HCRTR1: variants seen among roughly 807,000 people sequenced by gnomAD.
The protein encoded by HCRTR1 is orexin/Hypocretin receptor type 1.
A neutral mutation model predicts 40.6 loss-of-function variants in HCRTR1; 28 were observed. The observed-to-expected ratio is 0.69, with a 90% confidence interval of 0.51 to 0.95. The LOEUF is 0.95. HCRTR1 is among the 40% of genes least tolerant of loss of function. The pLI is 0.00. For synonymous variants in HCRTR1, 209 were observed against 230.0 expected, an observed-to-expected ratio of 0.91 and a Z score of 0.83; for missense variants, 482 against 564.7, an observed-to-expected ratio of 0.85 and a Z score of 1.48.
intron 3 of HCRTR1, 64 bp from the exon 4 acceptor site, chr1:31,619,468 C>T: frequency 6.2e-7 from 1 of 1,612,170 alleles, no homozygotes; most frequent in Non-Finnish European, 8.5e-7. Context: ...GGAGGGCTCG[C>T]TGATTAGGCA....
At chr1:31,632,032 A>G (rs1018440122), downstream of HCRTR1, among the ~76,000 whole-genome samples, 1 of 152,188 alleles carries the variant, frequency 6.6e-6, no homozygotes, top group African/African-American at 2.4e-5. Flanking sequence ...ATCTTCCCCA[A>G]CTGCAACTTT....
intron 5 of HCRTR1, 106 bp from the exon 6 acceptor site, chr1:31,621,371 C>T: frequency 2.2e-6 from 2 of 926,080 alleles, no homozygotes; most frequent in Non-Finnish European, 3.5e-6. Context: ...GGTCCAGCTG[C>T]TCCTAGGCCT....
downstream of HCRTR1, chr1:31,630,724 G>A: frequency 6.2e-7 from 1 of 1,614,140 alleles, no homozygotes; most frequent in Non-Finnish European, 8.5e-7. Flanking sequence ...CCTGCAGCTG[G>A]GTGCACACCT....
At chr1:31,623,222 G>A (rs370486430) in intron 6 of HCRTR1, among the ~76,000 whole-genome samples, 3 of 151,288 alleles carry the variant, frequency 2.0e-5, no homozygotes, top group Non-Finnish European at 2.9e-5. Flanking sequence ...CCAGCTACTC[G>A]GGAGGCGAGA....
At chr1:31,632,186 A>G (rs929192088), downstream of HCRTR1, 4 of 591,066 alleles carry the variant, frequency 6.8e-6, no homozygotes, top group African/African-American at 7.4e-5. Context: ...CAAGCCACAC[A>G]CACTGGTCTC....
chr1:31,620,590 C>T (rs1243172601), intron 4 of HCRTR1, among the ~76,000 whole-genome samples: 1 of 152,198 alleles, frequency 6.6e-6, no homozygotes, highest in Non-Finnish European at 1.5e-5. Context: ...CTACCATGTG[C>T]CAGGTCTAAA....
chr1:31,626,757 C>A lies in HCRTR1; in HGVS notation c.1088-33C>A, dbSNP rs908397031. The A allele has an allele frequency of 8.0e-6, 12 of 1,495,274 alleles. No homozygotes were observed. The Admixed American group carries it at 1.4e-4, about 18-fold the overall frequency. The allele number at this position is 1,495,274 out of a possible 1,614,324, so 92.6% of individuals were successfully genotyped here. A position where few individuals can be genotyped will look rare whatever the true frequency, so the allele number is the denominator to read the frequency against. On this transcript the variant is annotated intron_variant, in intron 8 of 8. Transcript: ENST00000403528. The surrounding 1 kb of genome is among the most constrained non-coding windows in gnomAD (Gnocchi z 4.6). ...AGGCCCCTTCCTGCTGCATCTGTCT[C>A]CTTATGGCTGTGTCTTTTGTCTCCC... is the stretch of plus-strand genomic sequence containing the variant.
chr1:31,626,184 G>C lies in HCRTR1; in HGVS notation c.1088-606G>C, dbSNP rs1352622408. 6.6e-6 allele frequency among the ~76,000 whole-genome samples: 1 copy of C among 152,228 alleles called. No individual in the cohort carries two copies. The highest frequency in any genetic ancestry group is 6.5e-5 in the Admixed American group (1 of 15,280). ...GTATACTTGGGCTGAATAATGTGGT[G>C]TGGTGGTCCCTCCTTCCCTCCTCCC... On this transcript the variant is annotated intron_variant, in intron 8 of 8. Transcript: ENST00000403528. The surrounding 1 kb of genome is among the most constrained non-coding windows in gnomAD (Gnocchi z 4.6).
At position 31,619,284 on chromosome 1, in the gene HCRTR1, T is replaced by G. The variant is rs1639798585; in HGVS notation, c.92T>G (p.Phe31Cys). ...GTGCCTCCAGACTATGAAGATGAGT[T>G]TCTCCGCTATCTGTGGCGCGATTAT... ...SPVPPDYEDEFLRYLWRDYLY... is the reference protein window; with the variant it reads ...SPVPPDYEDECLRYLWRDYLY... Residue 31 changes from phenylalanine to cysteine, a missense_variant, in exon 3 of 9, where the codon TTT (phenylalanine) becomes TGT (cysteine). Coordinates refer to ENST00000403528, the MANE Select transcript of HCRTR1 (RefSeq NM_001525.3). 2 of 1,614,146 alleles carry G rather than the reference T, an allele frequency of 1.2e-6. No individual in the cohort carries two copies. The highest frequency in any genetic ancestry group is 2.7e-5 in the African/African-American group (2 of 75,066).
chr1:31,632,379 T>C, downstream of HCRTR1: 1 of 1,535,914 alleles, frequency 6.5e-7, no homozygotes, highest in Non-Finnish European at 9.0e-7. Context: ...GAGAACAGCA[T>C]TTTGTAGTGC....
At chr1:31,623,931 A>G (rs1639919089) in intron 7 of HCRTR1, among the ~76,000 whole-genome samples, 182 bp downstream of exon 7, 1 of 152,190 alleles carries the variant, frequency 6.6e-6, no homozygotes, top group Admixed American at 6.5e-5. Context: ...TCATTCACTT[A>G]ATCATCACAT....
Position 31,626,575 on chromosome 1 carries a change from T to G in HCRTR1, c.1088-215T>G, listed in dbSNP as rs978198568. ...CACAGTCAAGGAATCAGATGGCAAT[T>G]GCGTCTCTCCTTGGGAACCCGCTCC... On this transcript the variant is annotated intron_variant, in intron 8 of 8. Coordinates refer to ENST00000403528, the MANE Select transcript of HCRTR1 (RefSeq NM_001525.3). The surrounding 1 kb of genome is among the most constrained non-coding windows in gnomAD (Gnocchi z 4.6). Among the ~76,000 whole-genome samples the G allele has an allele frequency of 6.6e-6, 1 of 152,078 alleles. No individual in the cohort carries two copies. Among genetic ancestry groups the G allele is most frequent in the Non-Finnish European group, 1.5e-5 (1 of 68,006 alleles).
At position 31,626,159 on chromosome 1, in the gene HCRTR1, G is replaced by C. The variant is rs538308764; in HGVS notation, c.1088-631G>C. Among the ~76,000 whole-genome samples the C allele has an allele frequency of 9.2e-5, 14 of 152,296 alleles. No individual in the cohort carries two copies. Among genetic ancestry groups the C allele is most frequent in the Non-Finnish European group, 1.8e-4 (12 of 68,008 alleles). On this transcript the variant is annotated intron_variant, in intron 8 of 8. Coordinates refer to ENST00000403528, the MANE Select transcript of HCRTR1 (RefSeq NM_001525.3). This position sits in a 1 kb window ranked among gnomAD's most constrained non-coding sequence, Gnocchi z 4.6. ...CAGCCTGACAAAATCTGTTTCCCTG[G>C]TATACTTGGGCTGAATAATGTGGTG...
chr1:31,628,536 C>T (rs988181352), downstream of HCRTR1, among the ~76,000 whole-genome samples: 11 of 152,210 alleles, frequency 7.2e-5, no homozygotes, highest in Non-Finnish European at 2.9e-5. Context: ...TCAGAACCAA[C>T]CGTGCTTACA....
downstream of HCRTR1, among the ~76,000 whole-genome samples, chr1:31,631,376 G>GT (rs1169389586): frequency 1.3e-5 from 2 of 152,174 alleles, no homozygotes; most frequent in Non-Finnish European, 2.9e-5. Context: ...CACAGTGACT[G>GT]GCACAGAAAA....
downstream of HCRTR1, among the ~76,000 whole-genome samples, chr1:31,633,849 G>C (rs1640182926): frequency 6.6e-6 from 1 of 152,124 alleles, no homozygotes; most frequent in Admixed American, 6.5e-5. Context: ...CAGCTACTGG[G>C]GAGGCTGAAG....
At chr1:31,618,365 G>A (rs1427143250) in intron 1 of HCRTR1, among the ~76,000 whole-genome samples, 1 of 152,146 alleles carries the variant, frequency 6.6e-6, no homozygotes, top group Non-Finnish European at 1.5e-5. Context: ...GGGCCTCTTA[G>A]GGGGCCTGGA....
At position 31,619,221 on chromosome 1, in the gene HCRTR1, A is replaced by T; in HGVS notation, c.29A>T (p.Gln10Leu). The T allele has an allele frequency of 6.2e-7, 1 of 1,613,000 alleles. No individual in the cohort carries two copies. Among genetic ancestry groups the T allele is most frequent in the Non-Finnish European group, 8.5e-7 (1 of 1,179,986 alleles). ...GAGCCCTCAGCCACCCCAGGGGCCC[A>T]GATGGGGGTCCCCCCTGGCAGCAGA... MEPSATPGA[Q>L]MGVPPGSREP... Residue 10 changes from glutamine to leucine, a missense_variant, in exon 3 of 9, where the codon CAG becomes CTG. By Grantham distance (113) the Gln-to-Leu change is moderately radical. Coordinates refer to ENST00000403528, the MANE Select transcript of HCRTR1 (RefSeq NM_001525.3).
In HCRTR1 at chr1:31,625,320, G is replaced by A. The variant is rs1639952954; in HGVS notation, c.1087+202G>A. On this transcript the variant is annotated intron_variant, in intron 8 of 8. Transcript: ENST00000403528. This position sits in a 1 kb window ranked among gnomAD's most constrained non-coding sequence, Gnocchi z 4.2. ...CGGGCCACACTCCCTACAGTGGCTG[G>A]CACCCAGGATCCAGTTTTGCAGATT... Among the ~76,000 whole-genome samples the A allele has an allele frequency of 6.6e-6, 1 of 152,202 alleles. No individual in the cohort carries two copies. Among genetic ancestry groups the A allele is most frequent in the Non-Finnish European group, 1.5e-5 (1 of 68,016 alleles).
Sources: allele counts gnomAD v4.1 joint callset (sites outside exome capture counted in the v4.1 genomes callset), GRCh38; gene constraint gnomAD v4.1.1; non-coding constraint Gnocchi (gnomAD v3.1); transcripts MANE v1.5; gene names NCBI Gene and HGNC (gene_info 2026-07-23, HGNC 2026-07-21).